Variants in TP73 observed in about 807,000 individuals in gnomAD.
TP73 encodes the protein tumor protein p73, also known as p53-like transcription factor.
TP73 carries 25 observed loss-of-function variants against 62.5 expected under a neutral mutation model. The observed-to-expected ratio is 0.40, with a 90% CI of 0.29 to 0.56. TP73 has a LOEUF of 0.56. Among genes scored for constraint, TP73 ranks in the 20% least tolerant of loss-of-function variants. The pLI, the probability that TP73 is intolerant of heterozygous loss-of-function variation, is 0.46. For missense variants in TP73, 754 were observed against 913.3 expected (o/e 0.83, Z 2.25); for synonymous variants, 423 against 377.5 (o/e 1.12, Z -1.40).
intron 6 of TP73, 66 bp downstream of exon 6, chr1:3,723,535 CCT>C (rs1351485600): frequency 1.7e-4 from 129 of 770,588 alleles, no homozygotes; most frequent in East Asian, 1.6e-3. Context: ...GGAGGGGTCC[CCT>C]GAGGCAGCCC....
intron 4 of TP73, 157 bp downstream of exon 4, chr1:3,707,948 G>A (rs1032762077): frequency 1.3e-5 from 16 of 1,279,740 alleles, no homozygotes; most frequent in African/African-American, 3.0e-5. Context: ...GCAGGAGGCG[G>A]GTCTCAGGGC....
chr1:3,718,612 AGAC>A (rs1640809807), intron 4 of TP73, among the ~76,000 whole-genome samples: 1 of 152,080 alleles, frequency 6.6e-6, no homozygotes, highest in East Asian at 1.9e-4. Flanking sequence ...CACGCTGTTG[AGAC>A]TCCATGGGGC....
At chr1:3,697,637 C>G (rs1184726335) in intron 3 of TP73, among the ~76,000 whole-genome samples, 1 of 152,234 alleles carries the variant, frequency 6.6e-6, no homozygotes, top group African/African-American at 2.4e-5. Flanking sequence ...GTGCCGGCTG[C>G]CATCTTCCTG....
At chr1:3,654,296 G>A (rs1036042341) in intron 1 of TP73, among the ~76,000 whole-genome samples, 2 of 152,244 alleles carry the variant, frequency 1.3e-5, no homozygotes, top group South Asian at 2.1e-4. Flanking sequence ...TTGTCTATGC[G>A]CGGCGGCCAC....
chr1:3,678,069 G>T (rs1264490731), intron 1 of TP73, among the ~76,000 whole-genome samples: 4 of 152,158 alleles, frequency 2.6e-5, no homozygotes, highest in African/African-American at 9.7e-5. Flanking sequence ...TGCATTTTAT[G>T]ATGTTGATAA....
At chr1:3,726,625 TGGGTGGATGGATG>T (rs141721100) in intron 6 of TP73, among the ~76,000 whole-genome samples, 4,873 of 122,150 alleles carry the variant, frequency 0.04, 198 homozygotes, top group East Asian at 0.21. Context: ...GATAGACGGG[TGGGTGGATGGATG>T]GGGTGGATGG....
At chr1:3,707,897 G>A (rs1252939761) in intron 4 of TP73, 106 bp downstream of exon 4, 5 of 1,476,956 alleles carry the variant, frequency 3.4e-6, no homozygotes, top group African/African-American at 2.8e-5. Flanking sequence ...CCCACTGTCT[G>A]CTCGGGGTTC....
chr1:3,674,773 A>G (rs1295986372), intron 1 of TP73, among the ~76,000 whole-genome samples: 1 of 152,152 alleles, frequency 6.6e-6, no homozygotes, highest in Non-Finnish European at 1.5e-5. Context: ...GCCCCTTGGC[A>G]CAGAGGGCCC....
At chr1:3,674,895 C>T (rs1034679056) in intron 1 of TP73, among the ~76,000 whole-genome samples, 2 of 152,242 alleles carry the variant, frequency 1.3e-5, no homozygotes, top group Non-Finnish European at 2.9e-5. Context: ...GTGCGCTGAC[C>T]GCCCGACCCC....
At chr1:3,679,511 C>CT (rs1006299352) in intron 1 of TP73, among the ~76,000 whole-genome samples, 1 of 151,444 alleles carries the variant, frequency 6.6e-6, no homozygotes, top group African/African-American at 2.4e-5. Context: ...CCCTGTCTCT[C>CT]TGTCTCTGTC....
rs549489648 is a variant in TP73, at chr1:3,697,485, C to G, written c.187-10064C>G. ...CTGCAGGCCCGCCTTCACCTTTTCC[C>G]GAGCCCGTCCTTGCCTGGACGCCAG... On this transcript the variant is annotated intron_variant, in intron 3 of 13. Coordinates refer to ENST00000378295, the MANE Select transcript of TP73 (RefSeq NM_005427.4). Among the ~76,000 whole-genome samples the G allele has an allele frequency of 2.6e-5, 4 of 152,360 alleles. No homozygotes were observed. In the South Asian group the frequency reaches 6.2e-4, roughly 24 times the overall value.
At chr1:3,727,560 T>G (rs2124519839) in intron 7 of TP73, 68 bp from the exon 8 acceptor site, 1 of 1,546,458 alleles carries the variant, frequency 6.5e-7, no homozygotes, top group Non-Finnish European at 8.7e-7. Flanking sequence ...CCGAGGTGGG[T>G]GGGGAAGGTG....
intron 8 of TP73, 33 bp downstream of exon 8, chr1:3,727,803 T>G (rs1423410572): frequency 6.7e-7 from 1 of 1,501,478 alleles, no homozygotes; most frequent in South Asian, 1.3e-5. Flanking sequence ...TGGACGCGTG[T>G]GGGAGGAGAA....
intron 6 of TP73, among the ~76,000 whole-genome samples, chr1:3,725,550 T>G (rs1570618894): frequency 1.2e-4 from 3 of 26,008 alleles, no homozygotes; most frequent in African/African-American, 1.6e-4. Context: ...GGTGGGCGGA[T>G]GGATGGGGTG....
chr1:3,679,352 G>A (rs1645453293), intron 1 of TP73, among the ~76,000 whole-genome samples: 1 of 152,230 alleles, frequency 6.6e-6, no homozygotes, highest in East Asian at 1.9e-4. Flanking sequence ...CCTGTTCACG[G>A]AACCCCTGGA....
intron 5 of TP73, among the ~76,000 whole-genome samples, chr1:3,722,708 GCACCTGGCACAGGGCTGGGCACCTCTCTT>G (rs1458272190): frequency 2.7e-5 from 3 of 111,768 alleles, no homozygotes; most frequent in Non-Finnish European, 4.9e-5. Context: ...GCACCTCTCT[GCACCTGGCACAGGGCTGGGCACCTCTCTT>G]CACCTGGCAT....
chr1:3,718,904 C>T (rs1167038008), intron 4 of TP73, among the ~76,000 whole-genome samples: 1 of 152,044 alleles, frequency 6.6e-6, no homozygotes, highest in East Asian at 1.9e-4. Flanking sequence ...TCACCTGGTG[C>T]TGAGAATAAC....
At chr1:3,707,985 C>T (rs1235888524) in intron 4 of TP73, 194 bp downstream of exon 4, 1 of 879,458 alleles carries the variant, frequency 1.1e-6, no homozygotes, top group Non-Finnish European at 1.7e-6. Context: ...GCCCACCCCT[C>T]TAGACGTGAG....
rs1002124550 is a variant in TP73, at chr1:3,734,229, G to C, written c.*1150G>C. 6.6e-6 allele frequency: 1 copy of C among 152,412 alleles called. No individual in the cohort carries two copies. Among genetic ancestry groups the C allele is most frequent in the African/African-American group, 2.4e-5 (1 of 41,440 alleles). 9.4% of individuals were successfully genotyped at this position (152,412 alleles called of 1,614,324 possible). A position where few individuals can be genotyped will look rare whatever the true frequency, so the allele number is the denominator to read the frequency against. Reference sequence around the variant, plus strand: ...AGGGAACAGACTGAGGTAGGTGTAGGGGGGTCTAGGCCTTCGTGGAGCACC... The same window carrying C: ...AGGGAACAGACTGAGGTAGGTGTAGCGGGGTCTAGGCCTTCGTGGAGCACC... On this transcript the variant is annotated 3_prime_UTR_variant, in exon 14 of 14. Transcript: ENST00000378295. This position sits in a 1 kb window ranked among gnomAD's most constrained non-coding sequence, Gnocchi z 4.4.
Sources: allele counts gnomAD v4.1 joint callset (sites outside exome capture counted in the v4.1 genomes callset), GRCh38; gene constraint gnomAD v4.1.1; non-coding constraint Gnocchi (gnomAD v3.1); transcripts MANE v1.5; gene names NCBI Gene and HGNC (gene_info 2026-07-23, HGNC 2026-07-21).